Variants in KPNA7 observed in about 807,000 individuals in gnomAD.
KPNA7 encodes the protein importin subunit alpha-8.
In KPNA7, 54 loss-of-function variants were observed where a neutral mutation model predicts 53.7. That is an observed-to-expected ratio of 1.01 (90% CI 0.81 to 1.26). The LOEUF is 1.26. Among genes scored for constraint, KPNA7 ranks in the 50% most tolerant of loss-of-function variants. The probability of loss-of-function intolerance (pLI) is 0.00; values close to 1 mark genes in which losing one functional copy is unlikely to be tolerated. For missense variants in KPNA7, 640 were observed against 644.5 expected, an observed-to-expected ratio of 0.99 and a Z score of 0.07; for synonymous variants, 276 against 259.3, an observed-to-expected ratio of 1.06 and a Z score of -0.62.
chr7:99,216,249 G>C (rs551259022), intron 1 of KPNA7, among the ~76,000 whole-genome samples: 1 of 151,910 alleles, frequency 6.6e-6, no homozygotes, highest in South Asian at 2.1e-4. Context: ...GGCTTGTCTC[G>C]AAGTCCTGGG....
upstream of KPNA7, among the ~76,000 whole-genome samples, chr7:99,212,427 CTTT>C (rs1247611150): frequency 6.6e-6 from 1 of 151,090 alleles, no homozygotes. Flanking sequence ...TATTTTTTTT[CTTT>C]TTTTGGTAGA....
At chr7:99,149,489 A>C in the KPNA7 span, among the ~76,000 whole-genome samples, 1 of 152,246 alleles carries the variant, frequency 6.6e-6, no homozygotes, top group African/African-American at 2.4e-5. Context: ...TCATGAATGT[A>C]GATTTAGCAT....
chr7:99,172,803 C>T (rs1224454204), downstream of KPNA7, among the ~76,000 whole-genome samples: 1 of 152,020 alleles, frequency 6.6e-6, no homozygotes, highest in Non-Finnish European at 1.5e-5. Context: ...TGGCTCACGC[C>T]TGTAATCCCA....
chr7:99,172,362 A>G (rs763409737), downstream of KPNA7, among the ~76,000 whole-genome samples: 1 of 152,194 alleles, frequency 6.6e-6, no homozygotes, highest in Non-Finnish European at 1.5e-5. Flanking sequence ...AAATATGTAC[A>G]TTGTATCAAA....
Position 99,188,174 on chromosome 7 carries a change from CAAAAAAAAAAA to C in KPNA7, c.900+115_900+125del, listed in dbSNP as rs59219718. On this transcript the variant is annotated intron_variant, in intron 7 of 10. Coordinates refer to ENST00000327442, the MANE Select transcript of KPNA7 (RefSeq NM_001145715.3). ...TGGGTGACAGAGCAAGACTCTGTCTCAAAAAAAAAAAAAAAAAAAAAAAAGCAAAGACCAGG... is the reference window on the plus strand; with the variant it reads ...TGGGTGACAGAGCAAGACTCTGTCTCAAAAAAAAAAAAAGCAAAGACCAGG... 10 of 391,208 alleles carry C rather than the reference CAAAAAAAAAAA, an allele frequency of 2.6e-5. 1 individual carries two copies. Among genetic ancestry groups the C allele is most frequent in the South Asian group, 9.5e-5 (3 of 31,624 alleles). The allele number at this position is 391,208 out of a possible 1,614,324, so 24.2% of individuals were successfully genotyped here. A position where few individuals can be genotyped will look rare whatever the true frequency, so the allele number is the denominator to read the frequency against.
At chr7:99,164,751 GTCA>G in the KPNA7 span, among the ~76,000 whole-genome samples, 1 of 152,172 alleles carries the variant, frequency 6.6e-6, no homozygotes, top group African/African-American at 2.4e-5. Context: ...TGCCACTGGA[GTCA>G]TCAAAGACAC....
At chr7:99,180,539 GTCTGTCTCCGTCTGTC>G (rs1418017974) in intron 9 of KPNA7, among the ~76,000 whole-genome samples, 7 of 36,428 alleles carry the variant, frequency 1.9e-4, no homozygotes, top group African/African-American at 4.1e-4. Flanking sequence ...CTCTGTCTCC[GTCTGTCTCCGTCTGTC>G]TCTGTCTCTG....
chr7:99,215,858 C>T (rs943962622), intron 1 of KPNA7, among the ~76,000 whole-genome samples: 1 of 151,882 alleles, frequency 6.6e-6, no homozygotes, highest in East Asian at 1.9e-4. Context: ...ACTGCAGTCC[C>T]AGCTACTCAG....
At chr7:99,192,032 T>C (rs1245668045) in intron 6 of KPNA7, among the ~76,000 whole-genome samples, 2 of 152,132 alleles carry the variant, frequency 1.3e-5, no homozygotes, top group Non-Finnish European at 2.9e-5. Flanking sequence ...CCAGAAGTCC[T>C]CTTCAATCAA....
At chr7:99,214,636 GAGGGGAGGGGAGGTAGGGA>G (rs1791163032) in intron 1 of KPNA7, among the ~76,000 whole-genome samples, 1 of 3,936 alleles carries the variant, frequency 2.5e-4, no homozygotes, top group African/African-American at 3.0e-4. Context: ...TCAAAGGAAA[GAGGGGAGGGGAGGTAGGGA>G]AGGGGAGGGG....
the KPNA7 span, among the ~76,000 whole-genome samples, chr7:99,159,699 TATG>T: frequency 2.6e-4 from 40 of 152,174 alleles, no homozygotes; most frequent in African/African-American, 9.7e-4. Flanking sequence ...ATAGCCCCAA[TATG>T]ATGATTAAAC....
rs142151727 is a variant in KPNA7, at chr7:99,216,711, G to A, written c.-23-9222C>T. Among the ~76,000 whole-genome samples, 786 of 152,230 alleles carry A rather than the reference G, an allele frequency of 5.2e-3. 4 individuals are homozygous for A. The highest frequency in any genetic ancestry group is 0.018 in the African/African-American group (761 of 41,542). ...TGAGTAGCTGGGATTACGGGCATGC[G>A]CCACCATGCCTAGCTAATTTTTGTA... On this transcript the variant is annotated intron_variant, in intron 1 of 10. Coordinates refer to the KPNA7 transcript ENST00000681060.
chr7:99,170,217 A>T (rs1236460998), downstream of KPNA7, among the ~76,000 whole-genome samples: 1 of 152,180 alleles, frequency 6.6e-6, no homozygotes, highest in Non-Finnish European at 1.5e-5. Context: ...CCATAGGCAC[A>T]CCAAACTAAC....
chr7:99,177,290 T>C (rs926000486), intron 10 of KPNA7, among the ~76,000 whole-genome samples: 10 of 152,046 alleles, frequency 6.6e-5, no homozygotes, highest in African/African-American at 1.9e-4. Flanking sequence ...AAAACTGTTG[T>C]GGAGACGGGC....
intron 3 of KPNA7, among the ~76,000 whole-genome samples, chr7:99,200,176 T>C (rs949462936): frequency 1.3e-5 from 2 of 152,204 alleles, no homozygotes; most frequent in African/African-American, 4.8e-5. Context: ...ATGCTGGGAT[T>C]ATAGGCATGA....
chr7:99,205,526 G>T (rs1490810418), intron 2 of KPNA7, among the ~76,000 whole-genome samples: 1 of 151,724 alleles, frequency 6.6e-6, no homozygotes, highest in African/African-American at 2.4e-5. Flanking sequence ...TCCCAAGGTG[G>T]AGCTAAACTT....
At chr7:99,195,462 G>T in intron 4 of KPNA7, 124 bp from the exon 5 acceptor site, 1 of 882,344 alleles carries the variant, frequency 1.1e-6, no homozygotes, top group Non-Finnish European at 1.7e-6. Context: ...ACCAAGGCGG[G>T]CAGATCACTT....
rs1241369298 is a variant in KPNA7 at position 99,193,028 on chromosome 7, G to A, written c.627C>T (p.Pro209=). 3 of 1,501,580 alleles carry A rather than the reference G, an allele frequency of 2.0e-6. No individual in the cohort carries two copies. The African/African-American group carries it at 4.3e-5, about 21-fold the overall frequency. 93.0% of individuals were successfully genotyped at this position (1,501,580 alleles called of 1,614,324 possible). A position where few individuals can be genotyped will look rare whatever the true frequency, so the allele number is the denominator to read the frequency against. The change falls in exon 6 of 11, where the codon CCC becomes CCT. Residue 209 remains proline, a synonymous_variant. Transcript: ENST00000327442. ...AGAAAAAGACACTTACCGGCAGGGT[G>A]GGTGAAATCAAGGCTAGGAGATGTG... ...AIPHLLALIS[P]TLPITFLRNI...
At chr7:99,206,374 C>A (rs999460098) in intron 2 of KPNA7, among the ~76,000 whole-genome samples, 2 of 152,104 alleles carry the variant, frequency 1.3e-5, no homozygotes, top group African/African-American at 4.8e-5. Context: ...GTTGGCCAGG[C>A]TGGTCTCGAA....
Sources: allele counts gnomAD v4.1 joint callset (sites outside exome capture counted in the v4.1 genomes callset), GRCh38; gene constraint gnomAD v4.1.1; transcripts MANE v1.5; gene names NCBI Gene and HGNC (gene_info 2026-07-23, HGNC 2026-07-21).